CTDSPL: variants seen among roughly 807,000 people sequenced by gnomAD.
CTDSPL encodes CTD small phosphatase-like protein.
A neutral mutation model predicts 30.5 loss-of-function variants in CTDSPL; 8 were observed. The ratio of observed to expected loss-of-function variants is 0.26; its 90% CI spans 0.15 to 0.47. The LOEUF (loss-of-function observed/expected upper bound fraction) is 0.47, where lower values mean the gene tolerates loss of function less well. CTDSPL is among the 20% of genes least tolerant of loss of function. The pLI is 0.99. For synonymous variants in CTDSPL, 110 were observed against 137.9 expected (o/e 0.80, Z 1.42); for missense variants, 248 against 366.1 (o/e 0.68, Z 2.63).
chr3:37,930,370 C>T (rs1012683143), intron 1 of CTDSPL, among the ~76,000 whole-genome samples: 13 of 152,080 alleles, frequency 8.5e-5, no homozygotes, highest in Admixed American at 5.2e-4. Flanking sequence ...AGGCAGTCCT[C>T]ATGCCTCCAG....
chr3:37,937,562 C>T (rs1417312586), intron 1 of CTDSPL, among the ~76,000 whole-genome samples: 2 of 150,476 alleles, frequency 1.3e-5, no homozygotes, highest in Non-Finnish European at 3.0e-5. Flanking sequence ...TTTCAACCTC[C>T]AGAATTGTGA....
At chr3:37,960,495 AAAAAAAAAAAAT>A (rs1302869833) in intron 3 of CTDSPL, among the ~76,000 whole-genome samples, 1 of 60,376 alleles carries the variant, frequency 1.7e-5, no homozygotes, top group South Asian at 6.2e-4. Flanking sequence ...AAAAAAAAAA[AAAAAAAAAAAAT>A]ATATATATAT....
intron 1 of CTDSPL, among the ~76,000 whole-genome samples, chr3:37,881,494 A>G (rs1164182129): frequency 6.6e-6 from 1 of 152,200 alleles, no homozygotes; most frequent in Non-Finnish European, 1.5e-5. Flanking sequence ...GCGCCACTGC[A>G]CTCCAGCCTG....
intron 1 of CTDSPL, among the ~76,000 whole-genome samples, chr3:37,905,213 T>C (rs1350855031): frequency 1.3e-5 from 2 of 152,254 alleles, no homozygotes; most frequent in Non-Finnish European, 2.9e-5. Flanking sequence ...GGTAGTGTTT[T>C]CACAGTTTCC....
At chr3:37,956,705 C>T (rs889921350) in intron 2 of CTDSPL, among the ~76,000 whole-genome samples, 6 of 152,142 alleles carry the variant, frequency 3.9e-5, no homozygotes, top group Non-Finnish European at 2.9e-5. Flanking sequence ...CTTCCATTCC[C>T]TGCGTATGAT....
At chr3:37,911,032 AG>A (rs1225037680) in intron 1 of CTDSPL, among the ~76,000 whole-genome samples, 1 of 152,230 alleles carries the variant, frequency 6.6e-6, no homozygotes, top group African/African-American at 2.4e-5. Flanking sequence ...CCTGTATTTC[AG>A]GGGTGCTAAC....
intron 1 of CTDSPL, among the ~76,000 whole-genome samples, chr3:37,944,229 CAATT>C (rs1188445977): frequency 6.6e-6 from 1 of 150,396 alleles, no homozygotes; most frequent in African/African-American, 2.4e-5. Context: ...TATGGTCTGA[CAATT>C]AATTACTGTT....
Position 37,942,335 on chromosome 3 carries a change from T to C in CTDSPL, c.80-4722T>C, listed in dbSNP as rs2125620388. On this transcript the variant is annotated intron_variant, in intron 1 of 7. Coordinates refer to ENST00000273179, the MANE Select transcript of CTDSPL (RefSeq NM_001008392.2). ...TGAAGCGAAAGCTTTTATGAGACTA[T>C]AATAATAAAAGCTAAAATGTATATA... Among the ~76,000 whole-genome samples, 2 of 150,572 alleles carry C rather than the reference T, an allele frequency of 1.3e-5. 1 individual carries two copies. The highest frequency in any genetic ancestry group is 4.3e-4 in the South Asian group (2 of 4,656).
At chr3:37,936,422 C>T (rs893241648) in intron 1 of CTDSPL, among the ~76,000 whole-genome samples, 1 of 152,042 alleles carries the variant, frequency 6.6e-6, no homozygotes, top group African/African-American at 2.4e-5. Flanking sequence ...TTACCACTCC[C>T]AACACTCCCC....
chr3:37,969,495 G>A (rs1699340759), intron 5 of CTDSPL: 4 of 474,700 alleles, frequency 8.4e-6, no homozygotes, highest in Admixed American at 2.3e-5. Context: ...CTGGACGCCG[G>A]CATCCGGGCT....
At chr3:37,906,157 T>G (rs1302821352) in intron 1 of CTDSPL, among the ~76,000 whole-genome samples, 1 of 152,206 alleles carries the variant, frequency 6.6e-6, no homozygotes, top group African/African-American at 2.4e-5. Context: ...AATGGGCTTC[T>G]TTGCTTCCTG....
In CTDSPL at chr3:37,862,663, A is replaced by G. The variant is rs1177739928; in HGVS notation, c.79+385A>G. Among the ~76,000 whole-genome samples the G allele has an allele frequency of 6.6e-6, 1 of 152,228 alleles. No individual in the cohort carries two copies. The highest frequency in any genetic ancestry group is 1.5e-5 in the Non-Finnish European group (1 of 68,042). On this transcript the variant is annotated intron_variant, in intron 1 of 7. Transcript: ENST00000273179. The surrounding 1 kb of genome is among the most constrained non-coding windows in gnomAD (Gnocchi z 4.3). ...TTGTAAGGATATGTGTGCACCTCAC[A>G]GAGAGGTTGTGAGATTGTAAGGGTT...
intron 1 of CTDSPL, among the ~76,000 whole-genome samples, chr3:37,893,820 A>G (rs983993244): frequency 2.0e-5 from 3 of 152,176 alleles, no homozygotes; most frequent in Non-Finnish European, 4.4e-5. Context: ...CTTGCACACT[A>G]TTCAGTATTA....
chr3:37,906,068 C>T lies in CTDSPL; in HGVS notation c.80-40989C>T, dbSNP rs181573971. ...GGGTTGGGTTAGTTAGTTCTTGTGC[C>T]GGATGTTTTCTGTTTGCCCTCCACA... On this transcript the variant is annotated intron_variant, in intron 1 of 7. Coordinates refer to ENST00000273179, the MANE Select transcript of CTDSPL (RefSeq NM_001008392.2). Among the ~76,000 whole-genome samples, 16 of 152,238 alleles carry T rather than the reference C, an allele frequency of 1.1e-4. 1 individual carries two copies. The highest frequency in any genetic ancestry group is 1.9e-4 in the Non-Finnish European group (13 of 68,008).
intron 1 of CTDSPL, among the ~76,000 whole-genome samples, chr3:37,881,314 A>C (rs1023305538): frequency 8.5e-5 from 13 of 152,138 alleles, no homozygotes; most frequent in Non-Finnish European, 1.5e-4. Context: ...AGATCGCTTG[A>C]GGTTAGGAGC....
chr3:37,877,054 C>G (rs1009430055), intron 1 of CTDSPL, among the ~76,000 whole-genome samples: 2 of 149,528 alleles, frequency 1.3e-5, no homozygotes, highest in Non-Finnish European at 3.0e-5. Context: ...TGCAGTGAAC[C>G]GAGATTGCGC....
chr3:37,971,644 C>A, intron 6 of CTDSPL, 145 bp downstream of exon 6: 1 of 697,984 alleles, frequency 1.4e-6, no homozygotes, highest in Non-Finnish European at 2.5e-6. Context: ...GGGATGGATG[C>A]AGGCCATGTG....
At chr3:37,948,579 C>T (rs116348637) in intron 2 of CTDSPL, among the ~76,000 whole-genome samples, 3 of 152,220 alleles carry the variant, frequency 2.0e-5, no homozygotes, top group African/African-American at 4.8e-5. Flanking sequence ...TGGCTGTGGG[C>T]GGTGGCAGTA....
At chr3:37,924,738 C>T (rs1698761187) in intron 1 of CTDSPL, among the ~76,000 whole-genome samples, 1 of 152,164 alleles carries the variant, frequency 6.6e-6, no homozygotes, top group Admixed American at 6.5e-5. Flanking sequence ...AAATGTGCAT[C>T]TAAACCTTCC....
Sources: gnomAD v4.1 joint callset for allele counts (sites outside exome capture counted in the v4.1 genomes callset) on GRCh38, gnomAD v4.1.1 for gene constraint, Gnocchi (gnomAD v3.1) non-coding constraint, MANE v1.5 for transcripts, NCBI Gene and HGNC (gene_info 2026-07-23, HGNC 2026-07-21) for gene names.